LIN9: variants seen among roughly 807,000 people sequenced by gnomAD.
The protein encoded by LIN9 is lin-9 DREAM MuvB core complex component, also known as protein lin-9 homolog.
Under a neutral mutation model 78.0 loss-of-function variants are expected in LIN9, and 18 were observed. That is an observed-to-expected ratio of 0.23 (90% CI 0.16 to 0.34). The LOEUF is 0.34. LIN9 is among the 10% of genes least tolerant of loss of function. The probability of loss-of-function intolerance (pLI) is 1.00; values close to 1 mark genes in which losing one functional copy is unlikely to be tolerated. For synonymous variants in LIN9, 192 were observed against 215.2 expected (o/e 0.89, Z 0.94); for missense variants, 451 against 644.1 (o/e 0.70, Z 3.25).
intron 11 of LIN9, among the ~76,000 whole-genome samples, chr1:226,250,542 T>C (rs1265124235): frequency 6.6e-6 from 1 of 152,224 alleles, no homozygotes; most frequent in South Asian, 2.1e-4. Context: ...GTTGTATGTA[T>C]GTATGTATTC....
At chr1:226,302,476 G>C (rs529866629) in intron 1 of LIN9, among the ~76,000 whole-genome samples, 2 of 151,274 alleles carry the variant, frequency 1.3e-5, no homozygotes, top group East Asian at 3.9e-4. Flanking sequence ...CCACAAGGCA[G>C]AGCTTGCAGT....
intron 10 of LIN9, among the ~76,000 whole-genome samples, chr1:226,254,910 CA>C (rs78061206): frequency 0.022 from 1,112 of 50,728 alleles, 10 homozygotes; most frequent in Middle Eastern, 0.047. Context: ...GACTCTGTCT[CA>C]AAAAAAAAAA....
At chr1:226,302,464 G>C (rs1662610228) in intron 1 of LIN9, among the ~76,000 whole-genome samples, 1 of 150,832 alleles carries the variant, frequency 6.6e-6, no homozygotes, top group Non-Finnish European at 1.5e-5. Flanking sequence ...AATGGCGTGA[G>C]CCCACAAGGC....
At chr1:226,285,840 T>G (rs1661353589) in intron 6 of LIN9, among the ~76,000 whole-genome samples, 1 of 152,178 alleles carries the variant, frequency 6.6e-6, no homozygotes, top group Non-Finnish European at 1.5e-5. Flanking sequence ...CCTTAAATAC[T>G]TTTTAGGACA....
intron 7 of LIN9, among the ~76,000 whole-genome samples, chr1:226,275,977 G>A (rs1366028401): frequency 4.6e-5 from 7 of 151,796 alleles, no homozygotes; most frequent in Non-Finnish European, 1.0e-4. Context: ...GTAGTGAGCC[G>A]AGATCACACC....
Position 226,232,474 on chromosome 1 carries a change from G to A in LIN9, c.*27C>T, listed in dbSNP as rs774285887. ...AAGAACTTCTCAAAAACAATGTCCCGTGCAGTTGGAATAATGAAATCTTTA... is the reference window on the plus strand; with the variant it reads ...AAGAACTTCTCAAAAACAATGTCCCATGCAGTTGGAATAATGAAATCTTTA... On this transcript the variant is annotated 3_prime_UTR_variant, in exon 15 of 15. Coordinates refer to ENST00000681046, the MANE Select transcript of LIN9 (RefSeq NM_001366245.2). 1.9e-5 allele frequency: 27 copies of A among 1,432,462 alleles called. No individual in the cohort carries two copies. The highest frequency in any genetic ancestry group is 6.8e-5 in the Admixed American group (4 of 58,470). 88.7% of individuals were successfully genotyped at this position (1,432,462 alleles called of 1,614,324 possible). A position where few individuals can be genotyped will look rare whatever the true frequency, so the allele number is the denominator to read the frequency against.
intron 2 of LIN9, among the ~76,000 whole-genome samples, chr1:226,300,751 G>A (rs1159526457): frequency 6.6e-6 from 1 of 152,144 alleles, no homozygotes; most frequent in African/African-American, 2.4e-5. Context: ...AGCTACTCAG[G>A]GGGCTGAGGC....
chr1:226,256,836 C>A (rs1055624796), intron 10 of LIN9, among the ~76,000 whole-genome samples: 1 of 151,978 alleles, frequency 6.6e-6, no homozygotes, highest in South Asian at 2.1e-4. Context: ...GGATTACAGG[C>A]ATGAGCCACC....
intron 14 of LIN9, 135 bp from the exon 15 acceptor site, chr1:226,232,741 T>C: frequency 1.8e-6 from 1 of 550,448 alleles, no homozygotes; most frequent in Non-Finnish European, 3.2e-6. Context: ...CTCTAATATA[T>C]TAGCCATAAT....
chr1:226,267,310 T>TGTATG (rs1553278726), intron 8 of LIN9, among the ~76,000 whole-genome samples: 1 of 33,622 alleles, frequency 3.0e-5, no homozygotes, highest in Non-Finnish European at 6.2e-5. Flanking sequence ...TGTATATATA[T>TGTATG]TATGTATATA....
chr1:226,268,555 C>T (rs1157240996), intron 7 of LIN9, among the ~76,000 whole-genome samples: 2 of 152,188 alleles, frequency 1.3e-5, no homozygotes, highest in Admixed American at 6.5e-5. Flanking sequence ...ACTTGGATTT[C>T]GGAAGTGTTC....
rs111859953 is a variant in LIN9 at position 226,305,315 on chromosome 1, GAAA to G, written c.31+3791_31+3793del. On this transcript the variant is annotated intron_variant, in intron 1 of 14. Transcript: ENST00000681046. ...GGAGACCTCGTCTCTACAAAAAAAA[GAAA>G]AAAAAAAAAAAAAAAAAAAAAAACC... 9.8e-3 allele frequency among the ~76,000 whole-genome samples: 761 copies of G among 77,556 alleles called. 17 individuals carry two copies. The South Asian group carries it at 0.12, about 12-fold the overall frequency. 50.9% of individuals were successfully genotyped at this position (77,556 alleles called of 152,430 possible).
rs533978967 is a variant in LIN9, at chr1:226,292,799, G to T, written c.264+3043C>A. On this transcript the variant is annotated intron_variant, in intron 4 of 14. Coordinates refer to ENST00000681046, the MANE Select transcript of LIN9 (RefSeq NM_001366245.2). ...TGTAAAGTCTATCTCAACAAAGCTG[G>T]TTTTTTTTCTTTTTAAAGTAGGACT... is the stretch of plus-strand genomic sequence containing the variant. Among the ~76,000 whole-genome samples the T allele has an allele frequency of 3.9e-4, 59 of 151,982 alleles. 1 individual carries two copies. Among genetic ancestry groups the T allele is most frequent in the Middle Eastern group, 3.4e-3 (1 of 294 alleles).
At chr1:226,307,114 A>T (rs1662964989) in intron 1 of LIN9, among the ~76,000 whole-genome samples, 1 of 152,242 alleles carries the variant, frequency 6.6e-6, no homozygotes, top group Non-Finnish European at 1.5e-5. Flanking sequence ...TAAATGCTGG[A>T]TGATATGAAG....
chr1:226,281,698 CTT>C (rs1163172942), intron 6 of LIN9, among the ~76,000 whole-genome samples: 10 of 142,346 alleles, frequency 7.0e-5, no homozygotes, highest in African/African-American at 5.1e-5. Context: ...TTTTCTTTTT[CTT>C]TTTTTTTTTT....
chr1:226,309,213 G>A (rs377303982), upstream of LIN9: 1 of 1,454,914 alleles, frequency 6.9e-7, no homozygotes, highest in Non-Finnish European at 9.2e-7. Flanking sequence ...GTCTTTGCGA[G>A]GGAGGTTCGA....
At chr1:226,234,701 AG>A (rs111938518) in intron 12 of LIN9, among the ~76,000 whole-genome samples, 3,636 of 152,192 alleles carry the variant, frequency 0.024, 140 homozygotes, top group African/African-American at 0.083. Flanking sequence ...CTTTGCTATT[AG>A]GGTGTCTTTG....
intron 12 of LIN9, among the ~76,000 whole-genome samples, chr1:226,236,444 C>CTTTA (rs200915308): frequency 1.2e-4 from 18 of 151,770 alleles, no homozygotes; most frequent in African/African-American, 2.9e-4. Context: ...TTGTGTCTGA[C>CTTTA]TTTATTTATT....
At chr1:226,251,836 C>T (rs1166790665) in intron 10 of LIN9, among the ~76,000 whole-genome samples, 3 of 151,986 alleles carry the variant, frequency 2.0e-5, no homozygotes, top group Non-Finnish European at 2.9e-5. Context: ...TGAACTAAAG[C>T]CAAATGTTAA....
Sources: allele counts gnomAD v4.1 joint callset (sites outside exome capture counted in the v4.1 genomes callset), GRCh38; gene constraint gnomAD v4.1.1; transcripts MANE v1.5; gene names NCBI Gene and HGNC (gene_info 2026-07-23, HGNC 2026-07-21).